Variants in LMNTD1 observed in about 807,000 individuals in gnomAD.
The protein encoded by LMNTD1 is lamin tail domain-containing protein 1.
LMNTD1 carries 35 observed loss-of-function variants against 50.9 expected under a neutral mutation model. That is an observed-to-expected ratio of 0.69 (90% CI 0.53 to 0.91). LMNTD1 has a LOEUF of 0.91. LMNTD1 is among the 40% of genes least tolerant of loss of function. LMNTD1 has a pLI of 0.00. For synonymous variants in LMNTD1, 153 were observed against 161.9 expected, an observed-to-expected ratio of 0.94 and a Z score of 0.42; for missense variants, 470 against 475.5, an observed-to-expected ratio of 0.99 and a Z score of 0.11.
rs1256996117 is a variant in LMNTD1 at position 25,538,224 on chromosome 12, G to A, written c.491+8150C>T. ...TTCAGATTCAGGAAATACAGAGAAC[G>A]CCACAAAGATACTCCTCGAGACGAG... On this transcript the variant is annotated intron_variant, in intron 4 of 9. Coordinates refer to ENST00000458174, the MANE Select transcript of LMNTD1 (RefSeq NM_001145728.2). Among the ~76,000 whole-genome samples, 15 of 81,272 alleles carry A rather than the reference G, an allele frequency of 1.8e-4. 1 individual carries two copies. The highest frequency in any genetic ancestry group is 3.9e-4 in the East Asian group (1 of 2,554). The allele number at this position is 81,272 out of a possible 152,430, so 53.3% of individuals were successfully genotyped here. A position where few individuals can be genotyped will look rare whatever the true frequency, so the allele number is the denominator to read the frequency against.
intron 8 of LMNTD1, among the ~76,000 whole-genome samples, chr12:25,510,246 T>C (rs1178736979): frequency 6.6e-6 from 1 of 152,138 alleles, no homozygotes; most frequent in Non-Finnish European, 1.5e-5. Context: ...TTCCAGTTTT[T>C]TTTTTTTGTC....
intron 1 of LMNTD1, among the ~76,000 whole-genome samples, chr12:25,563,576 A>G (rs1471246346): frequency 6.6e-6 from 1 of 152,164 alleles, no homozygotes; most frequent in Non-Finnish European, 1.5e-5. Flanking sequence ...TCTCCCAGTT[A>G]CGCTACTCAG....
rs770664636 is a variant in LMNTD1 at position 25,553,069 on chromosome 12, C to G, written c.-31G>C. On this transcript the variant is annotated splice_region_variant and 5_prime_UTR_variant, in exon 1 of 10. Coordinates refer to ENST00000458174, the MANE Select transcript of LMNTD1 (RefSeq NM_001145728.2). ...ATTTTTCTTTTCAAAGTGACCTCACCTGTTAATCCAACTACCTTCAAGCAT... is the reference window on the plus strand; with the variant it reads ...ATTTTTCTTTTCAAAGTGACCTCACGTGTTAATCCAACTACCTTCAAGCAT... 9 of 1,612,810 alleles carry G rather than the reference C, an allele frequency of 5.6e-6. No individual in the cohort carries two copies. In the Admixed American group the frequency reaches 1.3e-4, roughly 24 times the overall value.
intron 1 of LMNTD1, among the ~76,000 whole-genome samples, chr12:25,589,827 A>C (rs936874250): frequency 6.6e-6 from 1 of 152,052 alleles, no homozygotes; most frequent in African/African-American, 2.4e-5. Flanking sequence ...CATTGTGTAG[A>C]TCTCTTAGAA....
rs543607996 is a variant in LMNTD1 at position 25,489,574 on chromosome 12, A to T, written c.*23-13114T>A. ...CCTGGTACCTCAGATGGAAATGCAG[A>T]AATCACCAGTCTTCTGCGTCGCTCA... On this transcript the variant is annotated intron_variant, in intron 9 of 9. Transcript: ENST00000458174. Among the ~76,000 whole-genome samples the T allele has an allele frequency of 2.9e-4, 43 of 147,524 alleles. No individual in the cohort carries two copies. The Middle Eastern group carries it at 0.01, about 35-fold the overall frequency.
chr12:25,522,227 C>T (rs747788941), intron 6 of LMNTD1, among the ~76,000 whole-genome samples: 5 of 152,116 alleles, frequency 3.3e-5, no homozygotes, highest in Admixed American at 1.3e-4. Context: ...TCATTAGTTA[C>T]GAATCCTCCC....
Position 25,527,652 on chromosome 12 carries a change from A to G in LMNTD1, c.492-697T>C, listed in dbSNP as rs1304588097. Among the ~76,000 whole-genome samples, 122 of 46,420 alleles carry G rather than the reference A, an allele frequency of 2.6e-3. 3 individuals carry two copies. The highest frequency in any genetic ancestry group is 0.011 in the African/African-American group (114 of 10,560). The allele number at this position is 46,420 out of a possible 152,430, so 30.5% of individuals were successfully genotyped here. On this transcript the variant is annotated intron_variant, in intron 4 of 9. Transcript: ENST00000458174. ...GCACTTAATAACACTATATATATATATATATATATATATATATATATATAT... is the reference window on the plus strand; with the variant it reads ...GCACTTAATAACACTATATATATATGTATATATATATATATATATATATAT...
chr12:25,597,412 G>A (rs1313473798), intron 1 of LMNTD1, among the ~76,000 whole-genome samples: 3 of 151,868 alleles, frequency 2.0e-5, no homozygotes, highest in Non-Finnish European at 2.9e-5. Flanking sequence ...AGACAAAGAA[G>A]GTCACTATAT....
intron 1 of LMNTD1, among the ~76,000 whole-genome samples, chr12:25,562,899 C>T (rs962627643): frequency 2.0e-5 from 3 of 152,192 alleles, no homozygotes; most frequent in Non-Finnish European, 4.4e-5. Flanking sequence ...TCTTCAATCA[C>T]TAATACCCTT....
At chr12:25,594,651 C>CAAAAA (rs61299586) in intron 1 of LMNTD1, among the ~76,000 whole-genome samples, 40 of 69,892 alleles carry the variant, frequency 5.7e-4, no homozygotes, top group East Asian at 1.7e-3. Flanking sequence ...AACAGAAATA[C>CAAAAA]AAAAAAAAAA....
At chr12:25,513,355 C>T (rs905407996) in intron 8 of LMNTD1, among the ~76,000 whole-genome samples, 16 of 152,128 alleles carry the variant, frequency 1.1e-4, no homozygotes, top group African/African-American at 2.9e-4. Context: ...GGGGAAAAAA[C>T]AACCCATGTG....
chr12:25,555,430 C>T (rs1412932194), upstream of LMNTD1, among the ~76,000 whole-genome samples: 1 of 151,234 alleles, frequency 6.6e-6, no homozygotes, highest in Non-Finnish European at 1.5e-5. Flanking sequence ...AGCTAATCAA[C>T]TAAGAAATTT....
intron 9 of LMNTD1, among the ~76,000 whole-genome samples, chr12:25,495,956 G>T (rs1251816023): frequency 6.6e-6 from 1 of 152,190 alleles, no homozygotes; most frequent in East Asian, 1.9e-4. Context: ...GGAAATAATT[G>T]TGTAGAAGAG....
intron 9 of LMNTD1, among the ~76,000 whole-genome samples, chr12:25,491,665 T>G (rs187316530): frequency 2.0e-4 from 31 of 152,182 alleles, no homozygotes; most frequent in African/African-American, 7.2e-4. Flanking sequence ...TTTGAGGTGG[T>G]GCCAGCCTGA....
intron 9 of LMNTD1, chr12:25,499,779 G>T (rs1475247223): frequency 6.6e-6 from 1 of 151,862 alleles, no homozygotes; most frequent in East Asian, 1.9e-4. Context: ...CCTGTGTGCA[G>T]CAGGCTTGAA....
intron 6 of LMNTD1, 96 bp from the exon 7 acceptor site, chr12:25,520,171 T>TATATATATAG (rs1941210299): frequency 4.5e-6 from 1 of 219,802 alleles, no homozygotes; most frequent in Admixed American, 6.0e-5. Flanking sequence ...TATATATATA[T>TATATATATAG]ATATAGTAAA....
chr12:25,490,830 T>G (rs1008148190), intron 9 of LMNTD1, among the ~76,000 whole-genome samples: 1 of 152,236 alleles, frequency 6.6e-6, no homozygotes, highest in Non-Finnish European at 1.5e-5. Flanking sequence ...AGAGTTAAAA[T>G]GTGGATTCTA....
At chr12:25,595,505 G>A (rs1945823997) in intron 1 of LMNTD1, among the ~76,000 whole-genome samples, 1 of 151,996 alleles carries the variant, frequency 6.6e-6, no homozygotes, top group South Asian at 2.1e-4. Context: ...AAATAAAGAT[G>A]GAAATTAAAA....
intron 1 of LMNTD1, among the ~76,000 whole-genome samples, chr12:25,611,023 C>T (rs1047552062): frequency 4.8e-4 from 73 of 152,002 alleles, no homozygotes; most frequent in Admixed American, 3.3e-4. Context: ...TATTTCTAGG[C>T]GCACAGAGGA....
Sources: gnomAD v4.1 joint callset for allele counts (sites outside exome capture counted in the v4.1 genomes callset) on GRCh38, gnomAD v4.1.1 for gene constraint, MANE v1.5 for transcripts, NCBI Gene and HGNC (gene_info 2026-07-23, HGNC 2026-07-21) for gene names.